Variants in C10orf90 observed in about 807,000 individuals in gnomAD.
C10orf90 encodes the protein (E2-independent) E3 ubiquitin-conjugating enzyme FATS.
C10orf90 carries 56 observed loss-of-function variants against 62.5 expected under a neutral mutation model. The observed-to-expected ratio is 0.90, with a 90% CI of 0.72 to 1.12. The LOEUF is 1.12. Ranked by LOEUF, C10orf90 falls within the 50% of genes most tolerant of loss-of-function variation. The pLI is 0.00. For synonymous variants in C10orf90, 386 were observed against 340.4 expected, an observed-to-expected ratio of 1.13 and a Z score of -1.47; for missense variants, 970 against 880.4, an observed-to-expected ratio of 1.10 and a Z score of -1.29.
chr10:126,487,142 C>CA (rs1158481155), intron 4 of C10orf90, among the ~76,000 whole-genome samples: 1,448 of 29,424 alleles, frequency 0.049, 90 homozygotes, highest in East Asian at 0.086. Context: ...AAAACTCTGT[C>CA]AAAAAAAAAA....
chr10:126,446,369 T>G (rs1266188193), intron 7 of C10orf90, among the ~76,000 whole-genome samples: 1 of 151,598 alleles, frequency 6.6e-6, no homozygotes, highest in Admixed American at 6.6e-5. Context: ...AAAGAGAGAA[T>G]CTTAAAAGCA....
intron 2 of C10orf90, among the ~76,000 whole-genome samples, chr10:126,642,258 T>C (rs149346316): frequency 0.011 from 1,701 of 152,156 alleles, 32 homozygotes; most frequent in Middle Eastern, 0.048. Flanking sequence ...CAAGGCTGGG[T>C]GCGGTGGCTC....
chr10:126,632,616 T>G (rs1008599753), intron 2 of C10orf90, among the ~76,000 whole-genome samples: 3 of 152,060 alleles, frequency 2.0e-5, no homozygotes, highest in African/African-American at 7.2e-5. Context: ...ACTGCTTTGT[T>G]GTAGAAGCAT....
intron 2 of C10orf90, among the ~76,000 whole-genome samples, chr10:126,629,937 G>T (rs916595820): frequency 1.3e-5 from 2 of 152,198 alleles, no homozygotes; most frequent in Non-Finnish European, 2.9e-5. Flanking sequence ...CTCACTGCTA[G>T]ACAAGCCTCC....
At chr10:126,589,557 T>G (rs1435434239) in intron 2 of C10orf90, among the ~76,000 whole-genome samples, 1 of 152,196 alleles carries the variant, frequency 6.6e-6, no homozygotes, top group Non-Finnish European at 1.5e-5. Context: ...ATATTCAACA[T>G]TCTTAAAAGA....
intron 4 of C10orf90, among the ~76,000 whole-genome samples, chr10:126,476,844 G>A (rs1331005100): frequency 1.3e-5 from 2 of 151,372 alleles, no homozygotes; most frequent in African/African-American, 4.9e-5. Flanking sequence ...CCTAGGAAAA[G>A]CACTTCCTTT....
rs1844265161 is a variant in C10orf90 at position 126,564,834 on chromosome 10, A to ATATATAT, written c.314-50902_314-50896dup. ...TTTAGGAATAAGACTCTCTCTCTCT[A>ATATATAT]TATATATATTATATATTATATAAAA... is the stretch of plus-strand genomic sequence containing the variant. On this transcript the variant is annotated intron_variant, in intron 2 of 9. Transcript: ENST00000488181. Among the ~76,000 whole-genome samples, 4 of 2,904 alleles carry ATATATAT rather than the reference A, an allele frequency of 1.4e-3. 1 individual carries two copies. The highest frequency in any genetic ancestry group is 6.0e-3 in the Admixed American group (1 of 166). 1.9% of individuals were successfully genotyped at this position (2,904 alleles called of 152,430 possible). A position where few individuals can be genotyped will look rare whatever the true frequency, so the allele number is the denominator to read the frequency against.
At chr10:126,532,971 C>A (rs761796034) in intron 2 of C10orf90, among the ~76,000 whole-genome samples, 9 of 150,448 alleles carry the variant, frequency 6.0e-5, no homozygotes, top group Non-Finnish European at 1.2e-4. Flanking sequence ...CTCGCTCTGT[C>A]GCCCAGGCTG....
At position 126,529,691 on chromosome 10, in the gene C10orf90, A is replaced by T. The variant is rs528454002; in HGVS notation, c.314-15752T>A. ...AAGAGACCATTCCGCATCTACCCAG[A>T]TTGGCAAAAAATCAGTGATATTAAA... On this transcript the variant is annotated intron_variant, in intron 2 of 9. Transcript: ENST00000488181. Among the ~76,000 whole-genome samples the T allele has an allele frequency of 9.2e-5, 14 of 152,334 alleles. No individual in the cohort carries two copies. The South Asian group carries it at 2.7e-3, about 29-fold the overall frequency.
At chr10:126,428,873 G>A (rs758523520) in intron 8 of C10orf90, among the ~76,000 whole-genome samples, 5 of 152,010 alleles carry the variant, frequency 3.3e-5, no homozygotes, top group Non-Finnish European at 7.4e-5. Flanking sequence ...TTAATGGGAC[G>A]GTCTCCCTTT....
intron 4 of C10orf90, among the ~76,000 whole-genome samples, chr10:126,497,248 C>T (rs893051958): frequency 5.9e-5 from 9 of 152,130 alleles, no homozygotes; most frequent in African/African-American, 1.7e-4. Context: ...CAGTGGGCAC[C>T]TGCTCTTCTG....
chr10:126,666,184 G>A (rs1299179488), intron 1 of C10orf90, among the ~76,000 whole-genome samples: 1 of 152,114 alleles, frequency 6.6e-6, no homozygotes, highest in Non-Finnish European at 1.5e-5. Context: ...AATATTAGCT[G>A]CATCTCTGGC....
intron 2 of C10orf90, among the ~76,000 whole-genome samples, chr10:126,591,760 C>G (rs574400540): frequency 6.6e-6 from 1 of 152,278 alleles, no homozygotes; most frequent in African/African-American, 2.4e-5. Flanking sequence ...ATCAAATTAT[C>G]TTTGTTTGCA....
In C10orf90 at chr10:126,438,805, C is replaced by A. The variant is rs368446463; in HGVS notation, c.2189-8955G>T. Among the ~76,000 whole-genome samples the A allele has an allele frequency of 7.4e-4, 112 of 151,788 alleles. 3 individuals carry two copies. The South Asian group carries it at 0.018, about 24-fold the overall frequency. On this transcript the variant is annotated intron_variant, in intron 7 of 9. Transcript: ENST00000488181. The stretch of plus-strand genomic sequence containing the variant: ...TGGCATACACAATCAGGCCACATGG[C>A]ATCTCTTAAAAGTGTGTGTGTGTGC...
intron 2 of C10orf90, among the ~76,000 whole-genome samples, chr10:126,560,997 G>A (rs1056261068): frequency 3.3e-5 from 5 of 152,234 alleles, no homozygotes; most frequent in South Asian, 4.2e-4. Context: ...AGCCTATGTT[G>A]GGAGTACATC....
rs1844370384 is a variant in C10orf90 at position 126,565,689 on chromosome 10, G to C, written c.314-51750C>G. ...AACAAATTGGAAACAGAAAACAAAG[G>C]ATGAAAAGAGGCCATCCCCATGCAA... On this transcript the variant is annotated intron_variant, in intron 2 of 9. Transcript: ENST00000488181. 1.3e-5 allele frequency among the ~76,000 whole-genome samples: 2 copies of C among 151,800 alleles called. 1 individual carries two copies. Among genetic ancestry groups the C allele is most frequent in the Non-Finnish European group, 2.9e-5 (2 of 67,970 alleles).
intron 7 of C10orf90, among the ~76,000 whole-genome samples, chr10:126,436,598 G>T (rs537415828): frequency 6.6e-6 from 1 of 152,228 alleles, no homozygotes; most frequent in East Asian, 1.9e-4. Context: ...TATGTGCTTT[G>T]GGACAAGCTA....
At chr10:126,485,317 T>C (rs1018217499) in intron 4 of C10orf90, among the ~76,000 whole-genome samples, 1 of 152,166 alleles carries the variant, frequency 6.6e-6, no homozygotes, top group Non-Finnish European at 1.5e-5. Flanking sequence ...ATTTGTGTCG[T>C]TTATAAGCCA....
intron 4 of C10orf90, chr10:126,469,818 C>T: frequency 4.4e-6 from 2 of 454,474 alleles, no homozygotes; most frequent in South Asian, 3.1e-5. Context: ...GAGAGATTGG[C>T]AGGCTTGGGT....
Sources: allele counts gnomAD v4.1 joint callset (sites outside exome capture counted in the v4.1 genomes callset), GRCh38; gene constraint gnomAD v4.1.1; transcripts MANE v1.5; gene names NCBI Gene and HGNC (gene_info 2026-07-23, HGNC 2026-07-21).